Variants in MAST4 observed in about 807,000 individuals in gnomAD.
MAST4 encodes the protein microtubule-associated serine/threonine-protein kinase 4.
A neutral mutation model predicts 162.7 loss-of-function variants in MAST4; 89 were observed. That is an observed-to-expected ratio of 0.55 (90% confidence interval 0.46 to 0.65). The LOEUF is 0.65. Ranked by LOEUF, MAST4 falls within the 30% of genes least tolerant of loss-of-function variation. The pLI is 0.00. For missense variants in MAST4, 3,153 were observed against 3,374.0 expected (o/e 0.93, Z 1.62); for synonymous variants, 1,479 against 1,361.1 (o/e 1.09, Z -1.91).
At chr5:67,015,225 C>T (rs887012776) in intron 4 of MAST4, among the ~76,000 whole-genome samples, 2 of 152,118 alleles carry the variant, frequency 1.3e-5, no homozygotes, top group African/African-American at 2.4e-5. Context: ...ACCTATTGTT[C>T]CAGAAAGATT....
intron 4 of MAST4, among the ~76,000 whole-genome samples, chr5:66,970,831 T>C (rs1217644287): frequency 6.6e-6 from 1 of 152,212 alleles, no homozygotes; most frequent in Non-Finnish European, 1.5e-5. Flanking sequence ...ATTTTACAGA[T>C]GTTAAAACTA....
chr5:66,915,923 G>A (rs1001275423), intron 4 of MAST4, among the ~76,000 whole-genome samples: 1 of 152,156 alleles, frequency 6.6e-6, no homozygotes, highest in Non-Finnish European at 1.5e-5. Context: ...TAAATTATGT[G>A]TTTAATCCTG....
chr5:67,063,974 T>G (rs1759939612), intron 5 of MAST4, among the ~76,000 whole-genome samples: 1 of 152,108 alleles, frequency 6.6e-6, no homozygotes, highest in Non-Finnish European at 1.5e-5. Context: ...TACTTAAGAG[T>G]TCACTTTGCT....
rs1742184639 is a variant in MAST4 at position 66,596,513 on chromosome 5, A to C, written c.-143A>C. 1.9e-6 allele frequency: 2 copies of C among 1,034,052 alleles called. No homozygotes were observed. Among genetic ancestry groups the C allele is most frequent in the Non-Finnish European group, 2.5e-6 (2 of 795,440 alleles). The allele number at this position is 1,034,052 out of a possible 1,614,324, so 64.1% of individuals were successfully genotyped here. On this transcript the variant is annotated 5_prime_UTR_variant, in exon 1 of 29. It removes an upstream start codon present in the reference 5' UTR. Transcript: ENST00000403625. ...GGGCTCCTGCGGCCCCGTCACTGCC[A>C]TGTAGTCGCTGGCGGGGCTCCCTGC...
intron 3 of MAST4, among the ~76,000 whole-genome samples, chr5:66,892,893 G>A (rs753518404): frequency 2.6e-5 from 4 of 152,192 alleles, no homozygotes; most frequent in Non-Finnish European, 5.9e-5. Flanking sequence ...CAGGCAGCCA[G>A]CTGATTTTGT....
At position 67,057,610 on chromosome 5, in the gene MAST4, G is replaced by A. The variant is rs73768177; in HGVS notation, c.763+3118G>A. ...TCTCATTAAAAAAAAAAAAAAGAAG[G>A]AAAGAAAAGAAAAGAAAAGAAGGCA... On this transcript the variant is annotated intron_variant, in intron 5 of 28. Transcript: ENST00000403625. 3.2e-4 allele frequency among the ~76,000 whole-genome samples: 46 copies of A among 144,310 alleles called. 1 individual carries two copies. The highest frequency in any genetic ancestry group is 1.1e-3 in the African/African-American group (41 of 38,770). 94.7% of individuals were successfully genotyped at this position (144,310 alleles called of 152,430 possible).
At chr5:67,082,555 A>G (rs1038322211) in intron 5 of MAST4, among the ~76,000 whole-genome samples, 2 of 152,248 alleles carry the variant, frequency 1.3e-5, no homozygotes, top group African/African-American at 4.8e-5. Context: ...TGGATCAGAT[A>G]CTAAATCAAG....
chr5:67,069,972 T>C (rs533073735), intron 5 of MAST4, among the ~76,000 whole-genome samples: 28 of 150,934 alleles, frequency 1.9e-4, no homozygotes, highest in Non-Finnish European at 3.7e-4. Flanking sequence ...CAAATCATCT[T>C]AAATAGGCCA....
intron 4 of MAST4, among the ~76,000 whole-genome samples, chr5:67,002,661 G>A (rs1042188960): frequency 6.6e-6 from 1 of 152,096 alleles, no homozygotes; most frequent in Non-Finnish European, 1.5e-5. Context: ...TAGACATTGC[G>A]TGAAAGGGCT....
chr5:67,154,149 A>G (rs1039915767), intron 26 of MAST4, among the ~76,000 whole-genome samples: 5 of 152,266 alleles, frequency 3.3e-5, no homozygotes, highest in Admixed American at 2.0e-4. Context: ...AAATGTAAGC[A>G]GAATATAGCC....
At chr5:66,614,181 C>G (rs1018834150) in intron 1 of MAST4, among the ~76,000 whole-genome samples, 9 of 152,208 alleles carry the variant, frequency 5.9e-5, no homozygotes, top group Non-Finnish European at 1.3e-4. Context: ...CCCGGAACAT[C>G]TTATCCTTCA....
intron 3 of MAST4, among the ~76,000 whole-genome samples, chr5:66,835,707 CTTGAAACTTATA>C (rs1444029119): frequency 3.9e-5 from 6 of 152,152 alleles, no homozygotes; most frequent in Non-Finnish European, 8.8e-5. Context: ...TTTGAATTTA[CTTGAAACTTATA>C]TTTCAAATAA....
At chr5:67,059,930 G>A (rs533829831) in intron 5 of MAST4, among the ~76,000 whole-genome samples, 4 of 152,132 alleles carry the variant, frequency 2.6e-5, no homozygotes, top group Admixed American at 6.5e-5. Context: ...AAAACATCCC[G>A]AATCCCACTC....
At chr5:67,096,751 C>A (rs114148100) in intron 7 of MAST4, among the ~76,000 whole-genome samples, 1 of 152,102 alleles carries the variant, frequency 6.6e-6, no homozygotes, top group Admixed American at 6.6e-5. Context: ...TTTACCATCT[C>A]TTTATGGTAT....
At chr5:66,696,316 T>C (rs1219298913) in intron 1 of MAST4, among the ~76,000 whole-genome samples, 1 of 152,054 alleles carries the variant, frequency 6.6e-6, no homozygotes, top group Admixed American at 6.6e-5. Flanking sequence ...CATTTGCCTA[T>C]GTAACAAACC....
chr5:66,909,286 T>C (rs1763589577), intron 4 of MAST4, among the ~76,000 whole-genome samples: 1 of 152,186 alleles, frequency 6.6e-6, no homozygotes, highest in Admixed American at 6.5e-5. Context: ...ACATGTGTTC[T>C]GGCTCAGTAT....
chr5:66,657,470 A>G (rs932759421), intron 1 of MAST4, among the ~76,000 whole-genome samples: 9 of 152,188 alleles, frequency 5.9e-5, no homozygotes, highest in Admixed American at 1.3e-4. Context: ...AAGAAATTGC[A>G]TATTCTGTGT....
intron 26 of MAST4, among the ~76,000 whole-genome samples, 196 bp from the exon 27 acceptor site, chr5:67,160,259 TA>T (rs1773035614): frequency 4.6e-5 from 7 of 152,242 alleles, no homozygotes; most frequent in Admixed American, 6.5e-5. Context: ...CTCACCCTCG[TA>T]AAGAAACTTC....
chr5:66,832,865 A>T (rs1392204528), intron 3 of MAST4, among the ~76,000 whole-genome samples: 1 of 152,216 alleles, frequency 6.6e-6, no homozygotes, highest in East Asian at 1.9e-4. Flanking sequence ...CCAGAAAGAC[A>T]TTGAGACTTC....
Sources: gnomAD v4.1 joint callset for allele counts (sites outside exome capture counted in the v4.1 genomes callset) on GRCh38, gnomAD v4.1.1 for gene constraint, MANE v1.5 for transcripts, NCBI Gene and HGNC (gene_info 2026-07-23, HGNC 2026-07-21) for gene names.